The following ADAM32 variants were observed in gnomAD, a reference collection of about 807,000 sequenced individuals.
The protein encoded by ADAM32 is disintegrin and metalloproteinase domain-containing protein 32.
Under a neutral mutation model 114.9 loss-of-function variants are expected in ADAM32, and 89 were observed. The ratio of observed to expected loss-of-function variants is 0.77; its 90% confidence interval spans 0.65 to 0.92. The LOEUF is 0.92. Among genes scored for constraint, ADAM32 ranks in the 40% least tolerant of loss-of-function variants. The pLI is 0.00. For missense variants in ADAM32, 870 were observed against 932.8 expected (o/e 0.93, Z 0.88); for synonymous variants, 285 against 307.5 (o/e 0.93, Z 0.77).
intron 10 of ADAM32, among the ~76,000 whole-genome samples, chr8:39,178,768 G>A (rs1805668721): frequency 6.6e-6 from 1 of 152,032 alleles, no homozygotes; most frequent in Non-Finnish European, 1.5e-5. Context: ...CCTTTTAACA[G>A]TCAGGCCACT....
At chr8:39,113,968 T>G (rs1588459184) in intron 1 of ADAM32, among the ~76,000 whole-genome samples, 1 of 150,330 alleles carries the variant, frequency 6.7e-6, no homozygotes, top group African/African-American at 2.5e-5. Flanking sequence ...GTGTTGATTT[T>G]TTTCAACAAA....
chr8:39,202,630 C>T (rs1223922597), intron 11 of ADAM32, among the ~76,000 whole-genome samples: 3 of 152,158 alleles, frequency 2.0e-5, no homozygotes, highest in Non-Finnish European at 4.4e-5. Context: ...TCTCTATCTC[C>T]TTCAGTTCTG....
At chr8:39,220,965 C>T (rs4422745) in intron 12 of ADAM32, 135,014 of 145,408 alleles carry the variant, frequency 0.93, 62,355 homozygotes, top group South Asian at 1. Context: ...TTGATTTTTT[C>T]TTTTTTGGTC....
intron 19 of ADAM32, among the ~76,000 whole-genome samples, chr8:39,258,248 A>G (rs984049834): frequency 6.6e-6 from 1 of 151,146 alleles, no homozygotes; most frequent in Non-Finnish European, 1.5e-5. Context: ...TTTTATATCA[A>G]GTTTTGCTCT....
rs578139396 is a variant in ADAM32 at position 39,278,219 on chromosome 8, C to T, written c.2279+2353C>T. 1.2e-4 allele frequency among the ~76,000 whole-genome samples: 19 copies of T among 152,224 alleles called. 1 individual carries two copies. The South Asian group carries it at 3.5e-3, about 28-fold the overall frequency. On this transcript the variant is annotated intron_variant, in intron 22 of 24. Coordinates refer to ENST00000379907, the MANE Select transcript of ADAM32 (RefSeq NM_145004.7). ...TCTCTCCGACATCCAGCCATAGTCC[C>T]TGACGTCCAGCTGCCTCTCGTCTCT...
intron 19 of ADAM32, 83 bp downstream of exon 19, chr8:39,257,426 A>G (rs1002032214): frequency 2.0e-6 from 3 of 1,469,648 alleles, no homozygotes; most frequent in Admixed American, 2.0e-5. Context: ...GAGCAGTAGC[A>G]ATACTTTACA....
At chr8:39,185,098 G>C (rs1308981090) in intron 10 of ADAM32, among the ~76,000 whole-genome samples, 1 of 151,962 alleles carries the variant, frequency 6.6e-6, no homozygotes, top group African/African-American at 2.4e-5. Flanking sequence ...AACCCAGTCT[G>C]TACTAAAAAT....
At chr8:39,268,123 A>G (rs140298501) in intron 19 of ADAM32, among the ~76,000 whole-genome samples, 1 of 152,350 alleles carries the variant, frequency 6.6e-6, no homozygotes, top group East Asian at 1.9e-4. Flanking sequence ...CCAGGAATAG[A>G]ATAATTGGGT....
At chr8:39,147,623 C>G (rs1338306120) in intron 4 of ADAM32, among the ~76,000 whole-genome samples, 1 of 151,976 alleles carries the variant, frequency 6.6e-6, no homozygotes, top group African/African-American at 2.4e-5. Flanking sequence ...AACTAAGTGT[C>G]CAGCATCCAC....
chr8:39,199,565 A>G (rs1286464545), intron 11 of ADAM32, among the ~76,000 whole-genome samples: 2 of 151,842 alleles, frequency 1.3e-5, no homozygotes, highest in Non-Finnish European at 2.9e-5. Flanking sequence ...TATGATATCT[A>G]TCTCTTTGTT....
intron 6 of ADAM32, among the ~76,000 whole-genome samples, chr8:39,159,782 A>G (rs937510373): frequency 2.6e-5 from 4 of 152,208 alleles, no homozygotes; most frequent in African/African-American, 9.6e-5. Context: ...CTCAAAACAC[A>G]TAACCATAAT....
At chr8:39,218,428 C>A (rs1339760212) in intron 12 of ADAM32, among the ~76,000 whole-genome samples, 2 of 152,160 alleles carry the variant, frequency 1.3e-5, no homozygotes, top group South Asian at 4.1e-4. Flanking sequence ...GCAAAGCCAA[C>A]CAGGCTTGTG....
intron 3 of ADAM32, among the ~76,000 whole-genome samples, chr8:39,142,106 G>C (rs1356399278): frequency 6.6e-6 from 1 of 151,792 alleles, no homozygotes; most frequent in Non-Finnish European, 1.5e-5. Flanking sequence ...TGGCACGTGA[G>C]ATGGATTTCC....
At chr8:39,181,492 T>C (rs1440830467) in intron 10 of ADAM32, among the ~76,000 whole-genome samples, 1 of 152,238 alleles carries the variant, frequency 6.6e-6, no homozygotes, top group African/African-American at 2.4e-5. Flanking sequence ...CGCGGCTTCA[T>C]TCTTGAAGTC....
intron 10 of ADAM32, among the ~76,000 whole-genome samples, chr8:39,179,225 C>T (rs1236348499): frequency 6.6e-6 from 1 of 152,094 alleles, no homozygotes; most frequent in East Asian, 1.9e-4. Context: ...CCTGGAGTCT[C>T]CAGAGACAGC....
chr8:39,150,720 T>C (rs1803771064), intron 5 of ADAM32, among the ~76,000 whole-genome samples: 1 of 152,140 alleles, frequency 6.6e-6, no homozygotes, highest in Admixed American at 6.5e-5. Context: ...ATTTATATTT[T>C]AGGGAGTAGT....
At chr8:39,117,652 C>CT (rs575988633) in intron 1 of ADAM32, among the ~76,000 whole-genome samples, 3 of 151,052 alleles carry the variant, frequency 2.0e-5, no homozygotes, top group Non-Finnish European at 3.0e-5. Context: ...ACATGATTTT[C>CT]TTTTTTTTTC....
At chr8:39,120,151 C>G (rs1274533599) in intron 2 of ADAM32, among the ~76,000 whole-genome samples, 2 of 152,164 alleles carry the variant, frequency 1.3e-5, no homozygotes, top group African/African-American at 4.8e-5. Flanking sequence ...GCCACCTTGT[C>G]TGTGGCATTT....
chr8:39,180,192 CG>C (rs939939321), intron 10 of ADAM32, among the ~76,000 whole-genome samples: 5 of 152,190 alleles, frequency 3.3e-5, no homozygotes, highest in Admixed American at 1.3e-4. Flanking sequence ...GTGGGCTTGG[CG>C]GGCCCCGCAC....
Sources: allele counts gnomAD v4.1 joint callset (sites outside exome capture counted in the v4.1 genomes callset), GRCh38; gene constraint gnomAD v4.1.1; transcripts MANE v1.5; gene names NCBI Gene and HGNC (gene_info 2026-07-23, HGNC 2026-07-21).